The following GLYATL2 variants were observed in gnomAD, a reference collection of about 807,000 sequenced individuals.
The protein encoded by GLYATL2 is glycine N-acyltransferase-like protein 2.
Under a neutral mutation model 21.4 loss-of-function variants are expected in GLYATL2, and 25 were observed. That is an observed-to-expected ratio of 1.17 (90% CI 0.85 to 1.63). The LOEUF is 1.63. GLYATL2 is among the 40% of genes most tolerant of loss of function. GLYATL2 has a pLI of 0.00. For synonymous variants in GLYATL2, 114 were observed against 118.2 expected, an observed-to-expected ratio of 0.96 and a Z score of 0.23; for missense variants, 361 against 343.3, an observed-to-expected ratio of 1.05 and a Z score of -0.41.
chr11:58,835,876 C>T (rs1853422051), intron 5 of GLYATL2, among the ~76,000 whole-genome samples: 1 of 152,198 alleles, frequency 6.6e-6, no homozygotes, highest in Non-Finnish European at 1.5e-5. Context: ...ATCATTTTCC[C>T]TGTGTATATG....
At chr11:58,842,646 A>G (rs1296851576) in intron 1 of GLYATL2, among the ~76,000 whole-genome samples, 1 of 152,086 alleles carries the variant, frequency 6.6e-6, no homozygotes, top group African/African-American at 2.4e-5. Context: ...GAATGAATGA[A>G]TGAATGAATG....
upstream of GLYATL2, chr11:58,907,761 C>T (rs901387047): frequency 5.3e-5 from 11 of 206,024 alleles, no homozygotes; most frequent in Non-Finnish European, 1.0e-5. Flanking sequence ...TATTCTTGAG[C>T]TTTGTTCCAG....
intron 1 of GLYATL2, among the ~76,000 whole-genome samples, chr11:58,850,435 A>G (rs1445672985): frequency 2.0e-5 from 3 of 152,222 alleles, no homozygotes; most frequent in Non-Finnish European, 4.4e-5. Context: ...ATATGATTAT[A>G]TATGAATATC....
intron 1 of GLYATL2, among the ~76,000 whole-genome samples, chr11:58,895,667 G>A (rs1854622027): frequency 6.6e-6 from 1 of 152,110 alleles, no homozygotes. Flanking sequence ...GGGTAAGGGA[G>A]TTTTCGGTAA....
At chr11:58,908,518 G>T, upstream of GLYATL2, 2 of 213,374 alleles carry the variant, frequency 9.4e-6, no homozygotes, top group South Asian at 1.8e-4. Context: ...TACAGAGGAT[G>T]ACCAGAGGGC....
rs542531851 is a variant in GLYATL2 at position 58,865,740 on chromosome 11, G to GTGTC, written n.61-27376_61-27373dup. On this transcript the variant is annotated intron_variant and non_coding_transcript_variant, in intron 1 of 4. Transcript: ENST00000533636. ...CACAAAGGATGAAGGAAGAAGGCAG[G>GTGTC]TGTCTTTCTTAACCACTGTTTTAGG... Among the ~76,000 whole-genome samples the GTGTC allele has an allele frequency of 3.5e-4, 46 of 131,026 alleles. 6 individuals are homozygous for GTGTC. In the East Asian group the frequency reaches 9.7e-3, roughly 28 times the overall value. 86.0% of individuals were successfully genotyped at this position (131,026 alleles called of 152,430 possible).
At chr11:58,902,593 C>G (rs1854758815) in intron 1 of GLYATL2, among the ~76,000 whole-genome samples, 1 of 152,116 alleles carries the variant, frequency 6.6e-6, no homozygotes, top group Non-Finnish European at 1.5e-5. Flanking sequence ...AAACACTGGC[C>G]TTACTCCCTA....
chr11:58,889,423 C>A (rs555806865), intron 1 of GLYATL2, among the ~76,000 whole-genome samples: 1 of 151,886 alleles, frequency 6.6e-6, no homozygotes, highest in Non-Finnish European at 1.5e-5. Flanking sequence ...CCTAAGAAAA[C>A]AATATCAACT....
intron 1 of GLYATL2, among the ~76,000 whole-genome samples, chr11:58,857,888 C>CAAAAAAAA (rs545952478): frequency 1.8e-5 from 2 of 108,468 alleles, no homozygotes; most frequent in African/African-American, 7.4e-5. Context: ...TTTTCCCCTC[C>CAAAAAAAA]AAAAAAAAAA....
At chr11:58,886,975 C>T (rs946881430) in intron 1 of GLYATL2, among the ~76,000 whole-genome samples, 1 of 152,196 alleles carries the variant, frequency 6.6e-6, no homozygotes, top group African/African-American at 2.4e-5. Context: ...GTTTGATCTC[C>T]TGGCTTCCTG....
At chr11:58,871,570 G>A (rs925894724) in intron 1 of GLYATL2, among the ~76,000 whole-genome samples, 2 of 151,976 alleles carry the variant, frequency 1.3e-5, no homozygotes, top group Non-Finnish European at 2.9e-5. Flanking sequence ...TGCTGAGAAT[G>A]ATGGTTTCCA....
At chr11:58,905,636 G>A, upstream of GLYATL2, 1 of 456,184 alleles carries the variant, frequency 2.2e-6, no homozygotes, top group Non-Finnish European at 4.4e-6. Context: ...GGAAGAAGCA[G>A]GGCAGTGACT....
rs191810076 is a variant in GLYATL2, at chr11:58,881,106, T to C, written n.60+23050A>G. On this transcript the variant is annotated intron_variant and non_coding_transcript_variant, in intron 1 of 4. Coordinates refer to the GLYATL2 transcript ENST00000533636. ...AAATCTATATATGACATGTTGATTA[T>C]TATGAAGTCAATTAAAAAAACTAAC... Among the ~76,000 whole-genome samples, 712 of 152,324 alleles carry C rather than the reference T, an allele frequency of 4.7e-3. 5 individuals are homozygous for C. Among genetic ancestry groups the C allele is most frequent in the African/African-American group, 0.016 (676 of 41,578 alleles).
At chr11:58,859,275 C>G (rs1853888896) in intron 1 of GLYATL2, among the ~76,000 whole-genome samples, 1 of 152,048 alleles carries the variant, frequency 6.6e-6, no homozygotes, top group Non-Finnish European at 1.5e-5. Context: ...TCCACACTAC[C>G]CTAGGGAATA....
chr11:58,907,398 C>T (rs551619571), upstream of GLYATL2: 32 of 456,236 alleles, frequency 7.0e-5, no homozygotes, highest in East Asian at 3.5e-4. Flanking sequence ...GAATTTAGGA[C>T]GCATCTCAGT....
intron 1 of GLYATL2, among the ~76,000 whole-genome samples, chr11:58,857,831 C>T (rs1397271850): frequency 6.7e-6 from 1 of 150,158 alleles, no homozygotes; most frequent in Non-Finnish European, 1.5e-5. Flanking sequence ...ATCCCTTTCT[C>T]ACTGTTGCCT....
intron 1 of GLYATL2, chr11:58,893,518 C>A: frequency 5.8e-6 from 1 of 172,036 alleles, no homozygotes; most frequent in Non-Finnish European, 1.3e-5. Context: ...AAGCAGACAC[C>A]ACTGAATAGC....
chr11:58,891,402 C>T (rs7933339), intron 1 of GLYATL2, among the ~76,000 whole-genome samples: 131,619 of 152,208 alleles, frequency 0.86, 58,279 homozygotes, highest in Non-Finnish European at 0.96. Flanking sequence ...TTAGTTACTT[C>T]GTTCTATTTT....
At chr11:58,905,379 C>T, upstream of GLYATL2, 8 of 437,654 alleles carry the variant, frequency 1.8e-5, no homozygotes, top group Middle Eastern at 1.2e-3. Flanking sequence ...CTGCTGCTGC[C>T]GCTGGATCCC....
Sources: allele counts gnomAD v4.1 joint callset (sites outside exome capture counted in the v4.1 genomes callset), GRCh38; gene constraint gnomAD v4.1.1; transcripts MANE v1.5; gene names NCBI Gene and HGNC (gene_info 2026-07-23, HGNC 2026-07-21).